SF3B4: variants seen among roughly 807,000 people sequenced by gnomAD.
SF3B4 encodes SAP 49.
SF3B4 carries 3 observed loss-of-function variants against 34.3 expected under a neutral mutation model. That is an observed-to-expected ratio of 0.09 (90% CI 0.04 to 0.23). SF3B4 has a LOEUF of 0.23. SF3B4 is among the 10% of genes least tolerant of loss of function. SF3B4 has a pLI of 1.00. For synonymous variants in SF3B4, 216 were observed against 207.8 expected (o/e 1.04, Z -0.34); for missense variants, 283 against 567.2 (o/e 0.50, Z 5.09).
chr1:149,927,421 A>G, intron 1 of SF3B4, 127 bp from the exon 2 acceptor site: 1 of 1,166,752 alleles, frequency 8.6e-7, no homozygotes, highest in Non-Finnish European at 1.2e-6. Context: ...AGCAAAAAAA[A>G]AAGTTTAAAC....
chr1:149,927,793 T>C lies in SF3B4; in HGVS notation c.-34A>G. 6.4e-7 allele frequency: 1 copy of C among 1,551,704 alleles called. No homozygotes were observed. The highest frequency in any genetic ancestry group is 8.7e-7 in the Non-Finnish European group (1 of 1,147,064). On this transcript the variant is annotated 5_prime_UTR_variant, in exon 1 of 6. Transcript: ENST00000271628. ...AGATCCCGCCGTCTCCCAGCAGCGG[T>C]TCCGCCTTCTGACCTCAGCACGACT... is the stretch of plus-strand genomic sequence containing the variant.
rs782629349 is a variant in SF3B4 at position 149,926,917 on chromosome 1, G to A, written c.165C>T (p.Gly55=). 3 of 1,596,146 alleles carry A rather than the reference G, an allele frequency of 1.9e-6. No individual in the cohort carries two copies. Among genetic ancestry groups the A allele is most frequent in the Admixed American group, 3.6e-5 (2 of 56,260 alleles). Residue 55 remains glycine (G), a splice_region_variant and synonymous_variant, in exon 3 of 6, where the codon GGC becomes GGT. Coordinates refer to ENST00000271628, the MANE Select transcript of SF3B4 (RefSeq NM_005850.5). This position sits in a 1 kb window ranked among gnomAD's most constrained non-coding sequence, Gnocchi z 6.2. ...PKDRVTGQHQ[G]YGFVEFLSEE... ...CACTCAAGAATTCCACAAAGCCATA[G>A]CCTGGAAAAGTGGAGAAGAGGAGGT...
Position 149,926,317 on chromosome 1 carries a change from C to A in SF3B4, c.706+59G>T, listed in dbSNP as rs1305795728. 2.0e-6 allele frequency: 3 copies of A among 1,469,526 alleles called. No homozygotes were observed. The highest frequency in any genetic ancestry group is 2.8e-6 in the Non-Finnish European group (3 of 1,083,450). 91.0% of individuals were successfully genotyped at this position (1,469,526 alleles called of 1,614,324 possible). On this transcript the variant is annotated intron_variant, in intron 3 of 5. Transcript: ENST00000271628. This position sits in a 1 kb window ranked among gnomAD's most constrained non-coding sequence, Gnocchi z 6.2. ...GTCCCCCTTTCAGACTTGTTTTCTT[C>A]TTCCTCCTGACCCTCTCCCCCAACC...
rs2092568114 is a variant in SF3B4 at position 149,923,520 on chromosome 1, C to G, written c.*22G>C. On this transcript the variant is annotated 3_prime_UTR_variant, in exon 6 of 6. Transcript: ENST00000271628. ...TAGAAAAGATATTGGGAAAATGTAA[C>G]AGGAGGAAGGAAAATGTGAATTTAC... 1.3e-6 allele frequency: 2 copies of G among 1,556,858 alleles called. No individual in the cohort carries two copies. Among genetic ancestry groups the G allele is most frequent in the Non-Finnish European group, 1.7e-6 (2 of 1,155,888 alleles).
rs368160350 is a variant in SF3B4 at position 149,927,303 on chromosome 1, G to A, written c.35-9C>T. The A allele has an allele frequency of 6.2e-7, 1 of 1,612,856 alleles. No individual in the cohort carries two copies. Among genetic ancestry groups the A allele is most frequent in the Admixed American group, 1.7e-5 (1 of 59,912 alleles). ...CACGTACACAGTGGCATCTTGAAGG[G>A]AGGGAGCAAAAAGAGCAAGCGTGAG... is the stretch of plus-strand genomic sequence containing the variant. On this transcript the variant is annotated splice_polypyrimidine_tract_variant and intron_variant, in intron 1 of 5. Coordinates refer to ENST00000271628, the MANE Select transcript of SF3B4 (RefSeq NM_005850.5).
Position 149,927,159 on chromosome 1 carries a change from T to C in SF3B4, c.163+7A>G, listed in dbSNP as rs781915879. 1.1e-5 allele frequency: 17 copies of C among 1,613,356 alleles called. No individual in the cohort carries two copies. The highest frequency in any genetic ancestry group is 3.3e-5 in the Admixed American group (2 of 60,002). ...CGGGAGCAATTCGCCCCTTGTCATG[T>C]ACTCACCTTGGTGCTGGCCAGTGAC... On this transcript the variant is annotated splice_region_variant and intron_variant, in intron 2 of 5. Transcript: ENST00000271628.
chr1:149,927,381 G>A (rs2092596684), intron 1 of SF3B4, 87 bp from the exon 2 acceptor site: 3 of 1,528,306 alleles, frequency 2.0e-6, no homozygotes, highest in Non-Finnish European at 1.8e-6. Flanking sequence ...AACCCAACCA[G>A]GGGAACTGGG....
Position 149,924,018 on chromosome 1 carries a change from T to C in SF3B4, c.914-4A>G, listed in dbSNP as rs374238766. On this transcript the variant is annotated splice_region_variant and splice_polypyrimidine_tract_variant and intron_variant, in intron 4 of 5. Transcript: ENST00000271628. ...GCAAGCTGCATCTGAGACATCCCTA[T>C]GAAAATAAAATAGACACAAGAAGAA... 5.3e-4 allele frequency: 814 copies of C among 1,529,266 alleles called. 9 individuals are homozygous for C. In the African/African-American group the frequency reaches 0.011, roughly 20 times the overall value. 94.7% of individuals were successfully genotyped at this position (1,529,266 alleles called of 1,614,324 possible).
At position 149,926,771 on chromosome 1, in the gene SF3B4, A is replaced by G. The variant is rs1214078627; in HGVS notation, c.311T>C (p.Ile104Thr). Residue 104 changes from isoleucine (I) to threonine (T), a missense_variant, in exon 3 of 6, where the codon ATT (isoleucine) becomes ACT (threonine). Coordinates refer to ENST00000271628, the MANE Select transcript of SF3B4 (RefSeq NM_005850.5). The surrounding 1 kb of genome is among the most constrained non-coding windows in gnomAD (Gnocchi z 6.2). ...KNLDVGANIF[I>T]GNLDPEIDEK... ...ATCAATCTCAGGGTCCAGGTTCCCA[A>G]TGAAAATGTTGGCCCCTACATCCAG... 8.7e-6 allele frequency: 14 copies of G among 1,614,186 alleles called. No individual in the cohort carries two copies. The highest frequency in any genetic ancestry group is 3.3e-5 in the Admixed American group (2 of 60,024).
chr1:149,924,692 A>C (rs1191847886), intron 4 of SF3B4, among the ~76,000 whole-genome samples: 2 of 152,196 alleles, frequency 1.3e-5, no homozygotes, highest in African/African-American at 2.4e-5. Flanking sequence ...TAAAGGATGA[A>C]TACTTCAGGA....
chr1:149,927,455 A>T (rs1473524443), intron 1 of SF3B4, 161 bp from the exon 2 acceptor site: 1 of 832,902 alleles, frequency 1.2e-6, no homozygotes, highest in Non-Finnish European at 1.8e-6. Flanking sequence ...TCTTCCCAGG[A>T]CTTCGGGAAT....
intron 1 of SF3B4, 124 bp from the exon 2 acceptor site, chr1:149,927,418 A>T (rs782336866): frequency 8.0e-5 from 93 of 1,158,682 alleles, no homozygotes; most frequent in Non-Finnish European, 1.1e-4. Context: ...AGGAGCAAAA[A>T]AAAAAGTTTA....
chr1:149,927,662 G>A (rs2092599570), intron 1 of SF3B4, 64 bp downstream of exon 1: 8 of 1,534,832 alleles, frequency 5.2e-6, no homozygotes, highest in Non-Finnish European at 7.1e-6. Flanking sequence ...CAGAGACACT[G>A]CTGGCTGTAG....
chr1:149,926,395 C>A lies in SF3B4; in HGVS notation c.687G>T (p.Gly229=). The change falls in exon 3 of 6, where the codon GGG becomes GGT. Residue 229 remains glycine (G), a synonymous_variant. Coordinates refer to ENST00000271628, the MANE Select transcript of SF3B4 (RefSeq NM_005850.5). The surrounding 1 kb of genome is among the most constrained non-coding windows in gnomAD (Gnocchi z 6.2). ...SAPNPVVSSL[G]SGLPPPGMPP... ...CTTTACCTGGTGGAGGAAGCCCAGA[C>A]CCCAATGATGATACCACAGGATTGG... 6.2e-7 allele frequency: 1 copy of A among 1,610,788 alleles called. No individual in the cohort carries two copies. The highest frequency in any genetic ancestry group is 8.5e-7 in the Non-Finnish European group (1 of 1,177,366).
At chr1:149,924,385 CA>C (rs1309146044) in intron 4 of SF3B4, among the ~76,000 whole-genome samples, 2 of 151,648 alleles carry the variant, frequency 1.3e-5, no homozygotes, top group Non-Finnish European at 2.9e-5. Flanking sequence ...TACAGTGAGC[CA>C]AAACTACGCC....
chr1:149,927,324 G>GT, intron 1 of SF3B4, 30 bp from the exon 2 acceptor site: 1 of 1,610,314 alleles, frequency 6.2e-7, no homozygotes, highest in Non-Finnish European at 8.5e-7. Flanking sequence ...AAGAGCAAGC[G>GT]TGAGAGTGTA....
chr1:149,927,696 GC>G (rs1553766250), intron 1 of SF3B4, 29 bp downstream of exon 1: 1 of 1,551,894 alleles, frequency 6.4e-7, no homozygotes, highest in African/African-American at 1.4e-5. Context: ...GCCACGCTGA[GC>G]CCATTCCAGA....
rs2092596817 is a variant in SF3B4 at position 149,927,392 on chromosome 1, G to A, written c.35-98C>T. The A allele has an allele frequency of 3.4e-6, 5 of 1,472,272 alleles. No homozygotes were observed. In the South Asian group the frequency reaches 4.7e-5, roughly 14 times the overall value. The allele number at this position is 1,472,272 out of a possible 1,614,324, so 91.2% of individuals were successfully genotyped here. On this transcript the variant is annotated intron_variant, in intron 1 of 5. Coordinates refer to ENST00000271628, the MANE Select transcript of SF3B4 (RefSeq NM_005850.5). ...ATGGAACCCAACCAGGGGAACTGGG[G>A]ACCGCGGTAGGGGACAGGAGCAAAA...
At chr1:149,927,553 C>A in intron 1 of SF3B4, 173 bp downstream of exon 1, 3 of 847,268 alleles carry the variant, frequency 3.5e-6, no homozygotes, top group Admixed American at 5.2e-5. Context: ...AGTATCACAC[C>A]CAGAGGCCTC....
Sources: allele counts gnomAD v4.1 joint callset (sites outside exome capture counted in the v4.1 genomes callset), GRCh38; gene constraint gnomAD v4.1.1; non-coding constraint Gnocchi (gnomAD v3.1); transcripts MANE v1.5; gene names NCBI Gene and HGNC (gene_info 2026-07-23, HGNC 2026-07-21).